The following KLF12 variants were observed in gnomAD, a reference collection of about 807,000 sequenced individuals.
KLF12 encodes the protein KLF transcription factor 12, also known as Krueppel-like factor 12.
In KLF12, 9 loss-of-function variants were observed where a neutral mutation model predicts 37.8. That is an observed-to-expected ratio of 0.24 (90% CI 0.14 to 0.42). The LOEUF (loss-of-function observed/expected upper bound fraction) is 0.42. Ranked by LOEUF, KLF12 falls within the 10% of genes least tolerant of loss-of-function variation. The pLI, the probability that KLF12 is intolerant of heterozygous loss-of-function variation, is 1.00. For missense variants in KLF12, 411 were observed against 516.0 expected (o/e 0.80, Z 1.97); for synonymous variants, 208 against 202.1 (o/e 1.03, Z -0.25).
intron 6 of KLF12, among the ~76,000 whole-genome samples, chr13:73,734,107 A>T (rs766143390): frequency 1.3e-5 from 2 of 152,162 alleles, no homozygotes; most frequent in Non-Finnish European, 2.9e-5. Context: ...TTCTGCTTAG[A>T]ATAGTTTCTC....
intron 1 of KLF12, among the ~76,000 whole-genome samples, chr13:74,002,663 T>G (rs1396012420): frequency 6.6e-6 from 1 of 152,124 alleles, no homozygotes; most frequent in East Asian, 1.9e-4. Flanking sequence ...CCACTGTACC[T>G]GGTCTGACTC....
Position 74,011,984 on chromosome 13 carries a change from G to T in KLF12, c.-31-16931C>A, listed in dbSNP as rs572552490. 2.6e-5 allele frequency among the ~76,000 whole-genome samples: 4 copies of T among 152,230 alleles called. No homozygotes were observed. In the South Asian group the frequency reaches 8.3e-4, roughly 32 times the overall value. ...TCAAGGTTCCACATTTCAAACCCTT[G>T]TATGACACACTGGGAATTTTCCTGG... On this transcript the variant is annotated intron_variant, in intron 1 of 7. Coordinates refer to ENST00000377669, the MANE Select transcript of KLF12 (RefSeq NM_007249.5).
chr13:74,094,603 CTTT>C (rs112013862), intron 1 of KLF12, among the ~76,000 whole-genome samples: 7 of 142,876 alleles, frequency 4.9e-5, no homozygotes, highest in East Asian at 2.0e-4. Context: ...TCTATCTTTT[CTTT>C]TTTTTTTTTT....
chr13:74,137,763 T>G (rs1265305814), upstream of KLF12, among the ~76,000 whole-genome samples: 26 of 152,082 alleles, frequency 1.7e-4, no homozygotes, highest in Admixed American at 1.7e-3. Flanking sequence ...TTTTATTTAT[T>G]TATTTATTTA....
the KLF12 span, among the ~76,000 whole-genome samples, chr13:74,171,533 G>A: frequency 6.6e-6 from 1 of 152,154 alleles, no homozygotes; most frequent in Non-Finnish European, 1.5e-5. Context: ...TGGAGGCATT[G>A]CAGCAGCTGC....
intron 1 of KLF12, among the ~76,000 whole-genome samples, chr13:74,068,729 G>A (rs1055972505): frequency 5.3e-5 from 8 of 151,778 alleles, no homozygotes; most frequent in African/African-American, 1.5e-4. Flanking sequence ...GCTAATTTTC[G>A]TATTTTTAGT....
At chr13:73,705,687 T>C (rs74951139) in intron 7 of KLF12, among the ~76,000 whole-genome samples, 9,158 of 152,284 alleles carry the variant, frequency 0.06, 306 homozygotes, top group South Asian at 0.15. Context: ...AATTTTACCA[T>C]TTAGGATATG....
intron 1 of KLF12, among the ~76,000 whole-genome samples, chr13:74,031,480 T>G (rs1242010506): frequency 6.6e-6 from 1 of 152,110 alleles, no homozygotes; most frequent in East Asian, 1.9e-4. Flanking sequence ...TTTATTTTAT[T>G]TAGAGGAGGT....
intron 1 of KLF12, among the ~76,000 whole-genome samples, chr13:74,123,227 T>C (rs555388308): frequency 1.3e-5 from 2 of 152,266 alleles, no homozygotes; most frequent in South Asian, 4.1e-4. Context: ...AAATGTATTA[T>C]ACACATTTAA....
intron 3 of KLF12, among the ~76,000 whole-genome samples, chr13:73,888,337 T>G (rs1364783513): frequency 6.6e-6 from 1 of 152,156 alleles, no homozygotes; most frequent in Non-Finnish European, 1.5e-5. Context: ...CAAAAATACT[T>G]CAGACTGAAA....
chr13:74,238,356 G>C, the KLF12 span, among the ~76,000 whole-genome samples: 1 of 132,506 alleles, frequency 7.5e-6, no homozygotes, highest in Non-Finnish European at 1.5e-5. Flanking sequence ...ATTTTATTGA[G>C]GATTTTTGCA....
chr13:74,065,246 T>A (rs1303087895), intron 1 of KLF12, among the ~76,000 whole-genome samples: 1 of 148,410 alleles, frequency 6.7e-6, no homozygotes, highest in Admixed American at 6.7e-5. Context: ...ATATACACAC[T>A]GTATACTACT....
chr13:73,818,589 C>A (rs1308337808), intron 4 of KLF12, among the ~76,000 whole-genome samples: 4 of 152,246 alleles, frequency 2.6e-5, no homozygotes, highest in African/African-American at 4.8e-5. Flanking sequence ...TGCCTATGCA[C>A]CCACTCTTAA....
rs1333651142 is a variant in KLF12, at chr13:73,860,492, T to TA, written c.124-14120dup. ...GCTCACGCTTGTAATCACAGCACTTTAGGAGGCCGAGACCGAAGGGTTGCT... is the reference window on the plus strand; with the variant it reads ...GCTCACGCTTGTAATCACAGCACTTTAAGGAGGCCGAGACCGAAGGGTTGCT... On this transcript the variant is annotated intron_variant, in intron 3 of 7. Transcript: ENST00000377669. Among the ~76,000 whole-genome samples, 6 of 152,242 alleles carry TA rather than the reference T, an allele frequency of 3.9e-5. No homozygotes were observed. In the East Asian group the frequency reaches 1.2e-3, roughly 29 times the overall value.
At chr13:73,796,539 G>GTA (rs1429356526) in intron 5 of KLF12, among the ~76,000 whole-genome samples, 1 of 139,246 alleles carries the variant, frequency 7.2e-6, no homozygotes, top group East Asian at 2.0e-4. Flanking sequence ...GTGTGTGTGT[G>GTA]TGTGTGTGTT....
intron 1 of KLF12, among the ~76,000 whole-genome samples, chr13:74,030,778 A>G (rs1013769031): frequency 6.6e-5 from 10 of 152,122 alleles, no homozygotes; most frequent in Non-Finnish European, 1.5e-4. Context: ...TTACTTCACA[A>G]GATTTAGCTC....
chr13:74,176,470 A>G, the KLF12 span, among the ~76,000 whole-genome samples: 19 of 152,228 alleles, frequency 1.2e-4, 1 homozygote, highest in South Asian at 3.9e-3. Flanking sequence ...CCTCACCTCC[A>G]ATAACTTATA....
chr13:74,126,034 T>C (rs1317445480), intron 1 of KLF12, among the ~76,000 whole-genome samples: 1 of 152,144 alleles, frequency 6.6e-6, no homozygotes, highest in Non-Finnish European at 1.5e-5. Context: ...GAAATAAAAA[T>C]CATAATACAG....
At chr13:73,812,688 T>C (rs1883005940) in intron 5 of KLF12, among the ~76,000 whole-genome samples, 1 of 152,126 alleles carries the variant, frequency 6.6e-6, no homozygotes, top group East Asian at 1.9e-4. Flanking sequence ...AAAGATTCAT[T>C]TAAAAATAAC....
Sources: gnomAD v4.1 joint callset for allele counts (sites outside exome capture counted in the v4.1 genomes callset) on GRCh38, gnomAD v4.1.1 for gene constraint, MANE v1.5 for transcripts, NCBI Gene and HGNC (gene_info 2026-07-23, HGNC 2026-07-21) for gene names.